Variants in GRID1 observed in about 807,000 individuals in gnomAD.
GRID1 encodes the protein glutamate receptor ionotropic, delta-1.
In GRID1, 28 loss-of-function variants were observed where a neutral mutation model predicts 98.0. That is an observed-to-expected ratio of 0.29 (90% CI 0.21 to 0.39). GRID1 has a LOEUF of 0.39. Among genes scored for constraint, GRID1 ranks in the 10% least tolerant of loss-of-function variants. The pLI is 1.00. For synonymous variants in GRID1, 553 were observed against 538.5 expected (o/e 1.03, Z -0.37); for missense variants, 1,111 against 1,340.5 (o/e 0.83, Z 2.67).
intron 6 of GRID1, among the ~76,000 whole-genome samples, chr10:85,864,507 C>T (rs1346465648): frequency 1.3e-5 from 2 of 152,204 alleles, no homozygotes; most frequent in Admixed American, 6.5e-5. Flanking sequence ...CAATTGTCTC[C>T]GACAAAGCCT....
chr10:85,880,738 C>T (rs1840995355), intron 5 of GRID1, among the ~76,000 whole-genome samples: 1 of 152,058 alleles, frequency 6.6e-6, no homozygotes, highest in South Asian at 2.1e-4. Context: ...CCTCTCACCA[C>T]TCCTATTCAA....
intron 13 of GRID1, among the ~76,000 whole-genome samples, chr10:85,643,054 G>A (rs1843142689): frequency 6.6e-6 from 1 of 152,048 alleles, no homozygotes; most frequent in Admixed American, 6.6e-5. Flanking sequence ...TTGGTTTCAT[G>A]TCATTAAAAG....
chr10:85,722,905 G>T, intron 12 of GRID1, 98 bp downstream of exon 12: 1 of 975,450 alleles, frequency 1.0e-6, no homozygotes, highest in Non-Finnish European at 1.4e-6. Flanking sequence ...TTGCAGATCA[G>T]GGCTCTCTCC....
intron 8 of GRID1, among the ~76,000 whole-genome samples, chr10:85,832,044 T>C (rs1227044938): frequency 6.7e-6 from 1 of 148,640 alleles, no homozygotes; most frequent in Non-Finnish European, 1.5e-5. Context: ...AAAATCAGGG[T>C]AAGAAAACAA....
At chr10:85,665,311 C>G (rs1250766634) in intron 12 of GRID1, among the ~76,000 whole-genome samples, 1 of 152,178 alleles carries the variant, frequency 6.6e-6, no homozygotes. Context: ...CCAAAGTCCT[C>G]TAAAGAGCTA....
chr10:86,139,301 G>C (rs917174475), intron 3 of GRID1, among the ~76,000 whole-genome samples: 2 of 152,122 alleles, frequency 1.3e-5, no homozygotes, highest in Non-Finnish European at 2.9e-5. Flanking sequence ...TTCATGACAA[G>C]CTCTCTTTCT....
At chr10:86,205,014 C>T (rs975046210) in intron 3 of GRID1, among the ~76,000 whole-genome samples, 5 of 152,078 alleles carry the variant, frequency 3.3e-5, no homozygotes, top group Non-Finnish European at 7.4e-5. Context: ...GAGGGAGAGG[C>T]CAGGTCCTGG....
chr10:86,301,707 G>A (rs1363557426), intron 2 of GRID1, among the ~76,000 whole-genome samples: 1 of 152,218 alleles, frequency 6.6e-6, no homozygotes, highest in Non-Finnish European at 1.5e-5. Context: ...TCTGAGCAGT[G>A]TTTGCCTGAA....
rs564687413 is a variant in GRID1, at chr10:85,602,234, G to T, written c.*39C>A. 1 of 1,313,480 alleles carries T rather than the reference G, an allele frequency of 7.6e-7. No individual in the cohort carries two copies. Among genetic ancestry groups the T allele is most frequent in the Non-Finnish European group, 1.0e-6 (1 of 976,040 alleles). The allele number at this position is 1,313,480 out of a possible 1,614,324, so 81.4% of individuals were successfully genotyped here. On this transcript the variant is annotated 3_prime_UTR_variant, in exon 16 of 16. Transcript: ENST00000327946. Reference sequence around the variant, plus strand: ...CTTGTATTAAAAAGCTCTGCTGGTCGGGTGGGTGGGAGGGTGGGCAGGAGG... The same window carrying T: ...CTTGTATTAAAAAGCTCTGCTGGTCTGGTGGGTGGGAGGGTGGGCAGGAGG...
intron 4 of GRID1, among the ~76,000 whole-genome samples, chr10:86,013,825 T>C (rs1440271651): frequency 6.6e-6 from 1 of 152,200 alleles, no homozygotes; most frequent in Non-Finnish European, 1.5e-5. Context: ...GATACGTGTA[T>C]ATATGGTAGA....
chr10:85,813,569 T>C (rs1168996222), intron 8 of GRID1, among the ~76,000 whole-genome samples: 2 of 151,564 alleles, frequency 1.3e-5, no homozygotes, highest in African/African-American at 2.4e-5. Flanking sequence ...CAAATAGAAG[T>C]TTTACAGCAG....
At chr10:86,314,763 C>A (rs1252946886) in intron 2 of GRID1, among the ~76,000 whole-genome samples, 2 of 152,212 alleles carry the variant, frequency 1.3e-5, no homozygotes, top group East Asian at 3.8e-4. Flanking sequence ...TGCCAGCTGT[C>A]CTAGCCCTCT....
chr10:85,644,704 G>A (rs1202312235), intron 13 of GRID1, among the ~76,000 whole-genome samples: 1 of 152,110 alleles, frequency 6.6e-6, no homozygotes, highest in Non-Finnish European at 1.5e-5. Flanking sequence ...TGTAATTGCT[G>A]GGCCATACAG....
At chr10:86,151,633 G>A (rs1845170949) in intron 3 of GRID1, among the ~76,000 whole-genome samples, 1 of 152,194 alleles carries the variant, frequency 6.6e-6, no homozygotes, top group African/African-American at 2.4e-5. Context: ...CATTAGTTCT[G>A]TAAATTATCA....
intron 13 of GRID1, among the ~76,000 whole-genome samples, chr10:85,635,387 C>A (rs1479949871): frequency 6.6e-6 from 1 of 152,114 alleles, no homozygotes; most frequent in Non-Finnish European, 1.5e-5. Context: ...GACTCTGCCA[C>A]CCAGGCCCAG....
At chr10:86,107,354 C>T (rs1023903203) in intron 4 of GRID1, among the ~76,000 whole-genome samples, 4 of 152,214 alleles carry the variant, frequency 2.6e-5, no homozygotes, top group African/African-American at 7.2e-5. Context: ...CCATGAGGAC[C>T]GTGATCTGAA....
chr10:86,133,458 G>A (rs1291939531), intron 4 of GRID1, among the ~76,000 whole-genome samples: 3 of 152,172 alleles, frequency 2.0e-5, no homozygotes, highest in African/African-American at 4.8e-5. Flanking sequence ...GCCCAGGAAC[G>A]TCCCACCTGC....
At chr10:85,850,233 G>A (rs1157947681) in intron 8 of GRID1, among the ~76,000 whole-genome samples, 2 of 152,202 alleles carry the variant, frequency 1.3e-5, no homozygotes, top group Non-Finnish European at 2.9e-5. Flanking sequence ...AGTGCCATTA[G>A]GATGGAGAAA....
chr10:85,810,774 C>T lies in GRID1; in HGVS notation c.1233+43722G>A, dbSNP rs111968039. On this transcript the variant is annotated intron_variant, in intron 8 of 15. Coordinates refer to ENST00000327946, the MANE Select transcript of GRID1 (RefSeq NM_017551.3). ...ACATATGCCTGAACTGGCTTAGTGG[C>T]TATGCACCCATTACCCTGACCACAG... 4.2e-3 allele frequency among the ~76,000 whole-genome samples: 646 copies of T among 152,266 alleles called. 2 individuals carry two copies. The highest frequency in any genetic ancestry group is 0.014 in the African/African-American group (598 of 41,552).
Sources: allele counts gnomAD v4.1 joint callset (sites outside exome capture counted in the v4.1 genomes callset), GRCh38; gene constraint gnomAD v4.1.1; transcripts MANE v1.5; gene names NCBI Gene and HGNC (gene_info 2026-07-23, HGNC 2026-07-21).